Variants in DMD observed in about 807,000 individuals in gnomAD.
DMD encodes the protein mutant dystrophin.
In DMD, 63 loss-of-function variants were observed where a neutral mutation model predicts 330.1. The ratio of observed to expected loss-of-function variants is 0.19; its 90% CI spans 0.16 to 0.24. DMD has a LOEUF of 0.24. DMD is among the 10% of genes least tolerant of loss of function. The probability of loss-of-function intolerance (pLI) is 1.00; values close to 1 mark genes in which losing one functional copy is unlikely to be tolerated. For synonymous variants in DMD, 1,223 were observed against 959.8 expected (o/e 1.27, Z -5.07); for missense variants, 3,344 against 2,684.1 (o/e 1.25, Z -5.43).
At chrX:32,305,382 C>T (rs987616594) in intron 42 of DMD, among the ~76,000 whole-genome samples, 2 of 111,376 alleles carry the variant, frequency 1.8e-5, no homozygotes, top group Non-Finnish European at 3.8e-5. Context: ...AGAAATCATA[C>T]ATCTCTCAAG....
At chrX:33,111,642 C>T (rs144369774) in intron 1 of DMD, among the ~76,000 whole-genome samples, 3,201 of 111,706 alleles carry the variant, frequency 0.029, 125 homozygotes, top group African/African-American at 0.099. Flanking sequence ...ATTCTTGTTG[C>T]CCAGGCTCGA....
intron 21 of DMD, among the ~76,000 whole-genome samples, chrX:32,474,867 C>A (rs768270409): frequency 9.0e-6 from 1 of 111,533 alleles, no homozygotes; most frequent in Non-Finnish European, 1.9e-5. Context: ...AAATTAGGTA[C>A]CAGCTATTTA....
chrX:32,891,094 G>A (rs1258615863), intron 2 of DMD, among the ~76,000 whole-genome samples: 1 of 112,222 alleles, frequency 8.9e-6, no homozygotes, highest in Non-Finnish European at 1.9e-5. Flanking sequence ...ACTTTTTAAA[G>A]TGGCTACTCA....
chrX:32,670,016 A>T (rs2061536192), intron 9 of DMD, among the ~76,000 whole-genome samples: 1 of 111,923 alleles, frequency 8.9e-6, no homozygotes, highest in African/African-American at 3.2e-5. Context: ...AAGTGAAGTA[A>T]TATTTCTATG....
intron 9 of DMD, among the ~76,000 whole-genome samples, chrX:32,654,865 G>A (rs1210623768): frequency 9.0e-6 from 1 of 111,216 alleles, no homozygotes; most frequent in Non-Finnish European, 1.9e-5. Context: ...CAACTTCCTG[G>A]TTTAGTCTTG....
chrX:32,151,925 A>G (rs1294292525), intron 44 of DMD, among the ~76,000 whole-genome samples: 1 of 111,909 alleles, frequency 8.9e-6, no homozygotes, highest in Non-Finnish European at 1.9e-5. Context: ...CTATACTGAC[A>G]TAGTATCTAA....
intron 2 of DMD, among the ~76,000 whole-genome samples, chrX:33,007,263 CT>C (rs1354992340): frequency 9.0e-6 from 1 of 110,913 alleles, no homozygotes; most frequent in Non-Finnish European, 1.9e-5. Context: ...TCCTACCGCT[CT>C]TCCTCAGTCA....
chrX:32,864,208 C>T (rs1409964357), intron 2 of DMD, among the ~76,000 whole-genome samples: 1 of 112,020 alleles, frequency 8.9e-6, no homozygotes, highest in Non-Finnish European at 1.9e-5. Context: ...CTTCTGTGTA[C>T]TTTTTGTGGG....
At chrX:32,811,301 T>C (rs886901399) in intron 6 of DMD, among the ~76,000 whole-genome samples, 1 of 110,824 alleles carries the variant, frequency 9.0e-6, no homozygotes, top group Non-Finnish European at 1.9e-5. Context: ...ATTGTACCAC[T>C]GCACTCCAGC....
chrX:32,192,138 G>C (rs2096978908), intron 44 of DMD, among the ~76,000 whole-genome samples: 2 of 111,659 alleles, frequency 1.8e-5, no homozygotes, highest in Non-Finnish European at 3.8e-5. Context: ...TCTTAACATG[G>C]ATGCCGGGTC....
At chrX:32,272,820 T>C (rs2097370182) in intron 43 of DMD, among the ~76,000 whole-genome samples, 1 of 112,058 alleles carries the variant, frequency 8.9e-6, no homozygotes, top group Non-Finnish European at 1.9e-5. Context: ...GAAAAAGTAA[T>C]GTCTTGAAAT....
At position 31,654,536 on chromosome X, in the gene DMD, T is replaced by C. The variant is rs768582771; in HGVS notation, c.8027+3454A>G. Reference sequence around the variant, plus strand: ...AAATGCCATCCTGTCATAGTTGTAGTTTTTGAGACCAACACAAATACCATG... The same window carrying C: ...AAATGCCATCCTGTCATAGTTGTAGCTTTTGAGACCAACACAAATACCATG... On this transcript the variant is annotated intron_variant, in intron 54 of 78. Transcript: ENST00000357033. Among the ~76,000 whole-genome samples, 6 of 112,067 alleles carry C rather than the reference T, an allele frequency of 5.4e-5. No homozygotes were observed. The East Asian group carries it at 1.7e-3, about 31-fold the overall frequency.
chrX:32,795,796 G>C (rs1485792098), intron 7 of DMD, among the ~76,000 whole-genome samples: 1 of 111,300 alleles, frequency 9.0e-6, no homozygotes, highest in Non-Finnish European at 1.9e-5. Context: ...AATGGACAAA[G>C]GACAATAATA....
intron 18 of DMD, among the ~76,000 whole-genome samples, chrX:32,504,978 A>C (rs969780437): frequency 8.9e-6 from 1 of 112,424 alleles, no homozygotes; most frequent in African/African-American, 3.2e-5. Flanking sequence ...AACTGCTTGA[A>C]AGTAATTGTG....
At chrX:32,052,240 C>T (rs143263945) in intron 44 of DMD, among the ~76,000 whole-genome samples, 1 of 107,838 alleles carries the variant, frequency 9.3e-6, no homozygotes, top group Non-Finnish European at 1.9e-5. Context: ...TCTTGCTCCT[C>T]TAGCTATTAA....
chrX:32,104,416 G>C (rs1330228890), intron 44 of DMD, among the ~76,000 whole-genome samples: 2 of 111,234 alleles, frequency 1.8e-5, no homozygotes, highest in African/African-American at 3.3e-5. Flanking sequence ...TAGTGAAGAA[G>C]CTGCCAGGAC....
chrX:32,226,360 A>G (rs112887203), intron 43 of DMD, among the ~76,000 whole-genome samples: 9,969 of 111,611 alleles, frequency 0.089, 486 homozygotes, highest in Admixed American at 0.14. Flanking sequence ...TCACTATTCC[A>G]TAAGGCTTCT....
intron 60 of DMD, among the ~76,000 whole-genome samples, chrX:31,439,160 G>A (rs1331815154): frequency 8.9e-6 from 1 of 111,853 alleles, no homozygotes; most frequent in African/African-American, 3.2e-5. Flanking sequence ...TAGTATGTAA[G>A]TATGTATATT....
chrX:31,380,051 G>T (rs2060085709), intron 60 of DMD, among the ~76,000 whole-genome samples: 1 of 110,762 alleles, frequency 9.0e-6, no homozygotes, highest in Non-Finnish European at 1.9e-5. Flanking sequence ...ACAGTGGAGG[G>T]TAAGTCCGTC....
Sources: allele counts gnomAD v4.1 joint callset (sites outside exome capture counted in the v4.1 genomes callset), GRCh38; gene constraint gnomAD v4.1.1; transcripts MANE v1.5; gene names NCBI Gene and HGNC (gene_info 2026-07-23, HGNC 2026-07-21).